LARP4B: variants seen among roughly 807,000 people sequenced by gnomAD.
LARP4B encodes the protein la-related protein 4B.
In LARP4B, 12 loss-of-function variants were observed where a neutral mutation model predicts 89.8. That is an observed-to-expected ratio of 0.13 (90% confidence interval 0.09 to 0.22). The LOEUF is 0.22. LARP4B is among the 10% of genes least tolerant of loss of function. The pLI, the probability that LARP4B is intolerant of heterozygous loss-of-function variation, is 1.00. For missense variants in LARP4B, 757 were observed against 947.7 expected (o/e 0.80, Z 2.64); for synonymous variants, 367 against 363.3 (o/e 1.01, Z -0.12).
chr10:834,265 C>A (rs532511778), intron 8 of LARP4B, among the ~76,000 whole-genome samples: 1 of 152,294 alleles, frequency 6.6e-6, no homozygotes, highest in African/African-American at 2.4e-5. Context: ...TAAAACACAT[C>A]AACGCAAAGT....
At chr10:809,188 AC>A (rs921105736), downstream of LARP4B, 14 of 152,204 alleles carry the variant, frequency 9.2e-5, no homozygotes, top group African/African-American at 3.4e-4. Flanking sequence ...CACCATGAAG[AC>A]CCAACGTTAG....
intron 1 of LARP4B, among the ~76,000 whole-genome samples, chr10:912,899 G>C (rs1836709223): frequency 6.6e-6 from 1 of 151,992 alleles, no homozygotes; most frequent in Admixed American, 6.6e-5. Flanking sequence ...CTGACATTTA[G>C]CTAGCTATCC....
rs1028680793 is a variant in LARP4B, at chr10:810,291, T to A, written c.*2635A>T. On this transcript the variant is annotated 3_prime_UTR_variant, in exon 18 of 18. Coordinates refer to ENST00000316157, the MANE Select transcript of LARP4B (RefSeq NM_015155.3). ...CTCTCATTTTCTTCTGAGCAGAAAC[T>A]CTTGAAGTAGTATCAGGTTTTTTCA... is the stretch of plus-strand genomic sequence containing the variant. 1 of 152,158 alleles carries A rather than the reference T, an allele frequency of 6.6e-6. No individual in the cohort carries two copies. The highest frequency in any genetic ancestry group is 1.5e-5 in the Non-Finnish European group (1 of 68,038). The allele number at this position is 152,158 out of a possible 1,614,324, so 9.4% of individuals were successfully genotyped here. A position where few individuals can be genotyped will look rare whatever the true frequency, so the allele number is the denominator to read the frequency against.
At chr10:966,732 AC>A in the LARP4B span, among the ~76,000 whole-genome samples, 1 of 152,138 alleles carries the variant, frequency 6.6e-6, no homozygotes, top group Non-Finnish European at 1.5e-5. Context: ...AAGGTGAGTG[AC>A]CCCCACTGTG....
chr10:829,573 T>C lies in LARP4B; in HGVS notation c.937A>G (p.Ile313Val), dbSNP rs566465712. The change falls in exon 11 of 18, where the codon ATA becomes GTA. Residue 313 changes from isoleucine to valine, a missense_variant. Physicochemically the swap from Ile to Val is conservative, Grantham distance 29. Transcript: ENST00000316157. ...PIKARIKAKAIAINTFLPKNG... is the reference protein window; with the variant it reads ...PIKARIKAKAVAINTFLPKNG... ...TTTGGCAAAAATGTGTTTATAGCTA[T>C]TGCCTTTGCTTTTATCCGTGCCTGT... 1.2e-6 allele frequency: 2 copies of C among 1,614,236 alleles called. No individual in the cohort carries two copies. Among genetic ancestry groups the C allele is most frequent in the East Asian group, 2.2e-5 (1 of 44,880 alleles).
chr10:974,401 C>T, the LARP4B span, among the ~76,000 whole-genome samples: 1 of 152,212 alleles, frequency 6.6e-6, no homozygotes, highest in African/African-American at 2.4e-5. Context: ...CCCAGGGAGC[C>T]TTACCGTGGC....
chr10:813,124 C>T lies in LARP4B; in HGVS notation c.2019G>A (p.Lys673=). The T allele has an allele frequency of 1.2e-6, 2 of 1,614,110 alleles. No individual in the cohort carries two copies. Among genetic ancestry groups the T allele is most frequent in the Non-Finnish European group, 8.5e-7 (1 of 1,180,000 alleles). ...SSPLQPQKEQ[K]PNTVGCGKEE... is the part of the protein sequence containing the mutation. ...CCTTCCCACAACCAACAGTGTTTGG[C>T]TTTTGTTCTTTTTGGGGTTGCAATG... Residue 673 remains lysine (K), a synonymous_variant, in exon 18 of 18, where the codon AAG becomes AAA. Coordinates refer to ENST00000316157, the MANE Select transcript of LARP4B (RefSeq NM_015155.3).
chr10:937,589 C>T, the LARP4B span, among the ~76,000 whole-genome samples: 1 of 152,110 alleles, frequency 6.6e-6, no homozygotes, highest in South Asian at 2.1e-4. Context: ...CGGCCTGACC[C>T]CCCCTCCCCC....
At chr10:924,950 A>G (rs1200505198) in intron 1 of LARP4B, among the ~76,000 whole-genome samples, 1 of 152,264 alleles carries the variant, frequency 6.6e-6, no homozygotes, top group Non-Finnish European at 1.5e-5. Context: ...GGAGCAAAAT[A>G]TAAATCTTGA....
intron 5 of LARP4B, among the ~76,000 whole-genome samples, chr10:857,343 A>C (rs1459148485): frequency 6.6e-6 from 1 of 152,120 alleles, no homozygotes; most frequent in African/African-American, 2.4e-5. Context: ...GAGAGATGAA[A>C]ACTACTGTAA....
the LARP4B span, among the ~76,000 whole-genome samples, chr10:960,808 A>AC: frequency 6.6e-6 from 1 of 151,504 alleles, no homozygotes; most frequent in Non-Finnish European, 1.5e-5. Context: ...AATTTCAGGG[A>AC]CCCCTTAGAG....
At chr10:826,784 GC>G (rs1401945952) in intron 11 of LARP4B, among the ~76,000 whole-genome samples, 1 of 152,130 alleles carries the variant, frequency 6.6e-6, no homozygotes, top group East Asian at 1.9e-4. Context: ...TACGCATAGA[GC>G]CCTCCTTGTT....
At chr10:907,484 G>A (rs1398717791) in intron 1 of LARP4B, among the ~76,000 whole-genome samples, 1 of 152,136 alleles carries the variant, frequency 6.6e-6, no homozygotes, top group African/African-American at 2.4e-5. Flanking sequence ...GTTTAAGTGT[G>A]CACCTGGGAT....
At chr10:960,758 AC>A in the LARP4B span, among the ~76,000 whole-genome samples, 29 of 150,318 alleles carry the variant, frequency 1.9e-4, no homozygotes, top group Admixed American at 4.6e-4. Context: ...GAGGGTCATT[AC>A]CAAATGATTG....
intron 5 of LARP4B, among the ~76,000 whole-genome samples, chr10:847,203 C>T (rs1224906278): frequency 6.6e-6 from 1 of 152,116 alleles, no homozygotes; most frequent in Non-Finnish European, 1.5e-5. Flanking sequence ...GTGGCTTCAC[C>T]TAAGATGAGA....
chr10:895,619 G>A (rs1588971284), intron 1 of LARP4B, among the ~76,000 whole-genome samples: 1 of 150,424 alleles, frequency 6.6e-6, no homozygotes, highest in East Asian at 1.9e-4. Context: ...ATTGCAGTGA[G>A]CTGAAAGCGC....
At chr10:955,108 C>T in the LARP4B span, among the ~76,000 whole-genome samples, 6 of 151,530 alleles carry the variant, frequency 4.0e-5, no homozygotes, top group Non-Finnish European at 8.8e-5. This position sits in a 1 kb window ranked among gnomAD's most constrained non-coding sequence, Gnocchi z 5.2. Flanking sequence ...CTCCCATCCA[C>T]GCTTCCCCAG....
At chr10:885,037 C>T in intron 2 of LARP4B, among the ~76,000 whole-genome samples, 1 of 152,162 alleles carries the variant, frequency 6.6e-6, no homozygotes, top group Non-Finnish European at 1.5e-5. Flanking sequence ...AGGACTTTCT[C>T]CCCAAAAAAT....
intron 1 of LARP4B, among the ~76,000 whole-genome samples, chr10:904,755 C>T (rs139435660): frequency 9.2e-5 from 14 of 152,228 alleles, no homozygotes; most frequent in African/African-American, 2.6e-4. Flanking sequence ...GTTAGTTACC[C>T]GAGCACATCA....
Sources: gnomAD v4.1 joint callset for allele counts (sites outside exome capture counted in the v4.1 genomes callset) on GRCh38, gnomAD v4.1.1 for gene constraint, Gnocchi (gnomAD v3.1) non-coding constraint, MANE v1.5 for transcripts, NCBI Gene and HGNC (gene_info 2026-07-23, HGNC 2026-07-21) for gene names.